USP15: variants seen among roughly 807,000 people sequenced by gnomAD.
USP15 encodes the protein ubiquitin specific peptidase 15.
In USP15, 18 loss-of-function variants were observed where a neutral mutation model predicts 127.1. The observed-to-expected ratio is 0.14, with a 90% CI of 0.10 to 0.21. The LOEUF is 0.21. Ranked by LOEUF, USP15 falls within the 10% of genes least tolerant of loss-of-function variation. USP15 has a pLI of 1.00. For missense variants in USP15, 805 were observed against 1,159.9 expected (o/e 0.69, Z 4.44); for synonymous variants, 364 against 393.7 (o/e 0.92, Z 0.89).
rs2068131332 is a variant in USP15 at position 62,415,323 on chromosome 12, TGA to T, written c.*10952_*10953del. The T allele has an allele frequency of 6.6e-6, 1 of 152,228 alleles. No homozygotes were observed. The highest frequency in any genetic ancestry group is 2.1e-4 in the South Asian group (1 of 4,832). 9.4% of individuals were successfully genotyped at this position (152,228 alleles called of 1,614,324 possible). A position where few individuals can be genotyped will look rare whatever the true frequency, so the allele number is the denominator to read the frequency against. ...TTGTTCTATTCAGGCCTTCAATTCATGAGAGCCACCAACATTAGAGAGGGCAA... is the reference window on the plus strand; with the variant it reads ...TTGTTCTATTCAGGCCTTCAATTCATGAGCCACCAACATTAGAGAGGGCAA... On this transcript the variant is annotated 3_prime_UTR_variant, in exon 22 of 22. Transcript: ENST00000280377.
intron 1 of USP15, among the ~76,000 whole-genome samples, 169 bp downstream of exon 1, chr12:62,260,672 C>T (rs942904565): frequency 6.6e-6 from 1 of 152,106 alleles, no homozygotes; most frequent in Non-Finnish European, 1.5e-5. Context: ...AGGTTGGACT[C>T]TAGATGAGGG....
At position 62,415,402 on chromosome 12, in the gene USP15, C is replaced by T. The variant is rs956098007; in HGVS notation, c.*11027C>T. ...AATGTTAATCTCATCCAAAAACACC[C>T]TCATAGATATGCCCAGAATAATGTT... is the stretch of plus-strand genomic sequence containing the variant. On this transcript the variant is annotated 3_prime_UTR_variant, in exon 22 of 22. Coordinates refer to ENST00000280377, the MANE Select transcript of USP15 (RefSeq NM_001252078.2). The T allele has an allele frequency of 9.2e-5, 14 of 152,222 alleles. No homozygotes were observed. Among genetic ancestry groups the T allele is most frequent in the African/African-American group, 2.9e-4 (12 of 41,462 alleles). 9.4% of individuals were successfully genotyped at this position (152,222 alleles called of 1,614,324 possible). A position where few individuals can be genotyped will look rare whatever the true frequency, so the allele number is the denominator to read the frequency against.
At chr12:62,378,761 T>C (rs986711199) in intron 8 of USP15, among the ~76,000 whole-genome samples, 1 of 152,156 alleles carries the variant, frequency 6.6e-6, no homozygotes, top group African/African-American at 2.4e-5. Flanking sequence ...GAAGATATTT[T>C]TGAGATTATT....
At chr12:62,350,292 A>G (rs1481783894) in intron 7 of USP15, among the ~76,000 whole-genome samples, 6 of 152,070 alleles carry the variant, frequency 3.9e-5, no homozygotes, top group Admixed American at 2.0e-4. Flanking sequence ...AATAATTAAA[A>G]CACCAATAGT....
chr12:62,385,906 C>T (rs1233579134), intron 11 of USP15, among the ~76,000 whole-genome samples: 3 of 152,022 alleles, frequency 2.0e-5, no homozygotes, highest in African/African-American at 7.2e-5. Context: ...TATTTCTCTA[C>T]AGCACATTTG....
At chr12:62,383,158 A>G (rs543660284) in intron 9 of USP15, among the ~76,000 whole-genome samples, 114 of 152,024 alleles carry the variant, frequency 7.5e-4, no homozygotes, top group Middle Eastern at 3.4e-3. Context: ...TATTATTCAC[A>G]GGAGTTATGT....
At chr12:62,373,586 A>G (rs1359516725) in intron 8 of USP15, among the ~76,000 whole-genome samples, 2 of 152,024 alleles carry the variant, frequency 1.3e-5, no homozygotes, top group African/African-American at 4.8e-5. Flanking sequence ...TTAACATTTT[A>G]ATATTTTAAG....
At position 62,381,681 on chromosome 12, in the gene USP15, A is replaced by G; in HGVS notation, c.1089+18A>G. ...CCTTTAAGGTTAGTGTGGTAAATGCATTTTAGCAAGGGTACCTGCAAGGGT... is the reference window on the plus strand; with the variant it reads ...CCTTTAAGGTTAGTGTGGTAAATGCGTTTTAGCAAGGGTACCTGCAAGGGT... On this transcript the variant is annotated intron_variant, in intron 9 of 21. Transcript: ENST00000280377. The G allele has an allele frequency of 1.3e-6, 2 of 1,597,326 alleles. No homozygotes were observed.
At chr12:62,404,134 A>G in intron 21 of USP15, 59 bp from the exon 22 acceptor site, 1 of 1,385,276 alleles carries the variant, frequency 7.2e-7, no homozygotes, top group Non-Finnish European at 9.4e-7. Context: ...AAAAATTCAT[A>G]ATGTATTTAA....
chr12:62,289,831 T>C (rs2063906221), intron 1 of USP15, among the ~76,000 whole-genome samples: 1 of 151,978 alleles, frequency 6.6e-6, no homozygotes. Context: ...CATTTAAACA[T>C]TTTTTAAAAT....
intron 8 of USP15, among the ~76,000 whole-genome samples, chr12:62,362,307 G>A (rs1182014753): frequency 6.6e-6 from 1 of 152,044 alleles, no homozygotes; most frequent in Non-Finnish European, 1.5e-5. Context: ...ATATTCACAT[G>A]TTGTACAATT....
intron 8 of USP15, among the ~76,000 whole-genome samples, chr12:62,362,014 G>A (rs1313482316): frequency 6.6e-6 from 1 of 151,932 alleles, no homozygotes; most frequent in African/African-American, 2.4e-5. Context: ...CATAATGCAG[G>A]TTATTTTTTT....
intron 8 of USP15, among the ~76,000 whole-genome samples, chr12:62,358,582 G>T (rs571289324): frequency 6.6e-6 from 1 of 152,084 alleles, no homozygotes. Flanking sequence ...CGGGCATGAT[G>T]GTGGACACCT....
At chr12:62,363,983 AT>A (rs2066397074) in intron 8 of USP15, among the ~76,000 whole-genome samples, 1 of 152,068 alleles carries the variant, frequency 6.6e-6, no homozygotes, top group Non-Finnish European at 1.5e-5. Context: ...TCAGTTTGTG[AT>A]GTCTGTGAAA....
chr12:62,260,528 C>T (rs771518728), intron 1 of USP15, 25 bp downstream of exon 1: 2 of 1,546,514 alleles, frequency 1.3e-6, no homozygotes, highest in South Asian at 2.4e-5. Flanking sequence ...TTGAGATGCC[C>T]GCGGTTGCCC....
chr12:62,377,744 C>T (rs974869397), intron 8 of USP15, among the ~76,000 whole-genome samples: 4 of 151,444 alleles, frequency 2.6e-5, no homozygotes, highest in Non-Finnish European at 5.9e-5. Context: ...AAAAAGAAAC[C>T]GGCTTCTTTT....
intron 6 of USP15, among the ~76,000 whole-genome samples, chr12:62,333,162 T>C (rs969384850): frequency 6.6e-6 from 1 of 152,246 alleles, no homozygotes; most frequent in Non-Finnish European, 1.5e-5. Flanking sequence ...CATTCTTTAT[T>C]CCTTGTCATT....
chr12:62,293,214 C>A (rs2064027418), intron 1 of USP15, among the ~76,000 whole-genome samples: 1 of 152,302 alleles, frequency 6.6e-6, no homozygotes, highest in South Asian at 2.1e-4. Context: ...CCTTTCCGTG[C>A]AACACCAAGT....
chr12:62,296,893 A>G (rs1410348531), intron 2 of USP15, among the ~76,000 whole-genome samples: 2 of 152,156 alleles, frequency 1.3e-5, no homozygotes, highest in East Asian at 1.9e-4. Context: ...GTACTACCCA[A>G]CAGGCCAGTT....
Sources: allele counts gnomAD v4.1 joint callset (sites outside exome capture counted in the v4.1 genomes callset), GRCh38; gene constraint gnomAD v4.1.1; transcripts MANE v1.5; gene names NCBI Gene and HGNC (gene_info 2026-07-23, HGNC 2026-07-21).